The following SLC9A3 variants were observed in gnomAD, a reference collection of about 807,000 sequenced individuals.
SLC9A3 encodes the protein solute carrier family 9 member A3.
Under a neutral mutation model 86.8 loss-of-function variants are expected in SLC9A3, and 37 were observed. That is an observed-to-expected ratio of 0.43 (90% CI 0.33 to 0.56). SLC9A3 has a LOEUF of 0.56. Ranked by LOEUF, SLC9A3 falls within the 20% of genes least tolerant of loss-of-function variation. SLC9A3 has a pLI of 0.06. For missense variants in SLC9A3, 1,011 were observed against 1,171.9 expected (o/e 0.86, Z 2.00); for synonymous variants, 581 against 528.3 (o/e 1.10, Z -1.37).
intron 1 of SLC9A3, among the ~76,000 whole-genome samples, chr5:516,596 G>T (rs558514740): frequency 1.9e-4 from 29 of 152,316 alleles, no homozygotes; most frequent in African/African-American, 6.3e-4. Context: ...ATTCCAGAAG[G>T]CATATAGCTA....
intron 1 of SLC9A3, among the ~76,000 whole-genome samples, chr5:513,497 G>C (rs1733634045): frequency 6.6e-6 from 1 of 152,174 alleles, no homozygotes; most frequent in South Asian, 2.1e-4. Flanking sequence ...CGGGAGGAGA[G>C]CGCCAGGTGC....
At chr5:492,100 C>T (rs745690436) in intron 1 of SLC9A3, 29 bp from the exon 2 acceptor site, 220 of 805,890 alleles carry the variant, frequency 2.7e-4, no homozygotes, top group Admixed American at 5.7e-4. Flanking sequence ...AGGTCAGGGC[C>T]GGGCTGTGAG....
Position 474,897 on chromosome 5 carries a change from G to C in SLC9A3, c.2487C>G (p.Pro829=), listed in dbSNP as rs1165688490. ...GPEERPPAAL[P]ESTHM ...GGGAGCGTTACATGTGTGTGGACTCGGGGAGGGCGGCGGGGGGCCGCTCCT... is the reference window on the plus strand; with the variant it reads ...GGGAGCGTTACATGTGTGTGGACTCCGGGAGGGCGGCGGGGGGCCGCTCCT... Residue 829 remains proline, a synonymous_variant, in exon 16 of 17, where the codon CCC becomes CCG. Coordinates refer to ENST00000264938, the MANE Select transcript of SLC9A3 (RefSeq NM_004174.4). 38 of 1,589,878 alleles carry C rather than the reference G, an allele frequency of 2.4e-5. 1 individual carries two copies. The highest frequency in any genetic ancestry group is 3.2e-5 in the Non-Finnish European group (37 of 1,169,472).
At chr5:502,907 C>T (rs6879352) in intron 1 of SLC9A3, among the ~76,000 whole-genome samples, 1,560 of 90,542 alleles carry the variant, frequency 0.017, 3 homozygotes, top group African/African-American at 0.045. Context: ...GGCCGAAAGC[C>T]GCCGTAACGA....
chr5:472,829 G>T lies in SLC9A3; in HGVS notation c.*550C>A. On this transcript the variant is annotated 3_prime_UTR_variant, in exon 17 of 17. Transcript: ENST00000264938. ...TCCCCGAGTCAGTCCCCGGGCGCGG[G>T]GCTCGGTTGGGGGGGCCCGGAACCT... is the stretch of plus-strand genomic sequence containing the variant. 1 of 551,516 alleles carries T rather than the reference G, an allele frequency of 1.8e-6. No individual in the cohort carries two copies. 34.2% of individuals were successfully genotyped at this position (551,516 alleles called of 1,614,324 possible).
intron 2 of SLC9A3, among the ~76,000 whole-genome samples, chr5:490,807 G>A (rs1224122259): frequency 3.9e-5 from 6 of 152,200 alleles, no homozygotes; most frequent in African/African-American, 1.4e-4. Flanking sequence ...TGCCATCCAT[G>A]AGCCTGTCTG....
chr5:480,430 G>A, intron 9 of SLC9A3: 1 of 157,622 alleles, frequency 6.3e-6, no homozygotes, highest in South Asian at 1.9e-4. Context: ...GGACTTAGAG[G>A]AAACTCTGGG....
Position 519,723 on chromosome 5 carries a change from G to A in SLC9A3, c.211+4389C>T, listed in dbSNP as rs554076553. Among the ~76,000 whole-genome samples, 5 of 152,208 alleles carry A rather than the reference G, an allele frequency of 3.3e-5. 1 individual carries two copies. In the South Asian group the frequency reaches 8.3e-4, roughly 25 times the overall value. On this transcript the variant is annotated intron_variant, in intron 1 of 16. Coordinates refer to ENST00000264938, the MANE Select transcript of SLC9A3 (RefSeq NM_004174.4). The stretch of plus-strand genomic sequence containing the variant: ...AGGGAACCTGGCGCTCAGGGATCTG[G>A]GTCTTGACCCTGTCCAGTTAAGGAG...
chr5:474,199 G>C (rs1560946836), intron 16 of SLC9A3, among the ~76,000 whole-genome samples: 1 of 111,406 alleles, frequency 9.0e-6, no homozygotes. Context: ...GAGGGAGAGA[G>C]AGAACCAGGT....
intron 9 of SLC9A3, chr5:480,175 G>T: frequency 1.9e-6 from 1 of 533,430 alleles, no homozygotes; most frequent in Non-Finnish European, 3.4e-6. Flanking sequence ...AGACGCATAT[G>T]AAACTGCATG....
chr5:503,367 C>T (rs1448055876), intron 1 of SLC9A3, among the ~76,000 whole-genome samples: 2 of 152,210 alleles, frequency 1.3e-5, no homozygotes, highest in Non-Finnish European at 2.9e-5. Flanking sequence ...AAAACCCCTT[C>T]TCGACAAAAT....
At chr5:514,110 G>C (rs1733655513) in intron 1 of SLC9A3, among the ~76,000 whole-genome samples, 1 of 152,276 alleles carries the variant, frequency 6.6e-6, no homozygotes, top group Admixed American at 6.5e-5. Context: ...TTTCTGGGAA[G>C]AGATTACTTC....
At chr5:503,827 T>C (rs4957047) in intron 1 of SLC9A3, among the ~76,000 whole-genome samples, 131,012 of 152,272 alleles carry the variant, frequency 0.86, 56,643 homozygotes, top group Non-Finnish European at 0.89. Flanking sequence ...AAGGCGTGTC[T>C]GCTGGAAATC....
chr5:476,122 C>G, intron 13 of SLC9A3, 30 bp from the exon 14 acceptor site: 1 of 1,612,238 alleles, frequency 6.2e-7, no homozygotes, highest in Non-Finnish European at 8.5e-7. Flanking sequence ...CTGCTCACAC[C>G]CCGACACAGC....
chr5:521,080 C>T (rs1259241378), intron 1 of SLC9A3, among the ~76,000 whole-genome samples: 1 of 152,250 alleles, frequency 6.6e-6, no homozygotes, highest in Non-Finnish European at 1.5e-5. Flanking sequence ...CTGCTAAAGA[C>T]TTCCTCGTCC....
At chr5:482,387 C>T (rs887602567) in intron 7 of SLC9A3, among the ~76,000 whole-genome samples, 161 bp downstream of exon 7, 19 of 152,174 alleles carry the variant, frequency 1.2e-4, no homozygotes, top group Non-Finnish European at 2.1e-4. Flanking sequence ...ATGCTTCCTC[C>T]CCAGTGGGGC....
intron 1 of SLC9A3, among the ~76,000 whole-genome samples, chr5:493,370 T>A (rs1739882304): frequency 6.6e-6 from 1 of 152,208 alleles, no homozygotes; most frequent in Non-Finnish European, 1.5e-5. Flanking sequence ...CCCCGAAGAA[T>A]GTGTCAGCAC....
Position 476,083 on chromosome 5 carries a change from TG to T in SLC9A3, c.2076del (p.Ser692ArgfsTer39). ...KRERAQKRRN[S>X]SIPNGKLPME... ...ATGGGCAGCTTCCCATTGGGGATGCTGCTGTTTCTCTGCGGAGCAAACGTGA... is the reference window on the plus strand; with the variant it reads ...ATGGGCAGCTTCCCATTGGGGATGCTCTGTTTCTCTGCGGAGCAAACGTGA... On this transcript the variant is annotated frameshift_variant, in exon 14 of 17. Coordinates refer to ENST00000264938, the MANE Select transcript of SLC9A3 (RefSeq NM_004174.4). LOFTEE classifies it high-confidence loss of function. 1 of 1,613,486 alleles carries T rather than the reference TG, an allele frequency of 6.2e-7. No homozygotes were observed. Among genetic ancestry groups the T allele is most frequent in the Non-Finnish European group, 8.5e-7 (1 of 1,179,900 alleles).
chr5:475,231 A>C (rs2247107), intron 15 of SLC9A3, 99 bp from the exon 16 acceptor site: 2 of 1,007,420 alleles, frequency 2.0e-6, no homozygotes, highest in Non-Finnish European at 1.4e-6. Context: ...TTGGAAAGTT[A>C]GGGTCACCGG....
Sources: allele counts gnomAD v4.1 joint callset (sites outside exome capture counted in the v4.1 genomes callset), GRCh38; gene constraint gnomAD v4.1.1; transcripts MANE v1.5; gene names NCBI Gene and HGNC (gene_info 2026-07-23, HGNC 2026-07-21).